The following VPS13B variants were observed in gnomAD, a reference collection of about 807,000 sequenced individuals.
VPS13B encodes vacuolar protein sorting 13 homolog B.
In VPS13B, 285 loss-of-function variants were observed where a neutral mutation model predicts 426.4. The ratio of observed to expected loss-of-function variants is 0.67; its 90% confidence interval spans 0.61 to 0.74. The LOEUF (loss-of-function observed/expected upper bound fraction) is 0.74, where lower values mean the gene tolerates loss of function less well. Ranked by LOEUF, VPS13B falls within the 30% of genes least tolerant of loss-of-function variation. The pLI is 0.00. For synonymous variants in VPS13B, 1,676 were observed against 1,676.4 expected, an observed-to-expected ratio of 1.00 and a Z score of 0.01; for missense variants, 4,537 against 4,782.6, an observed-to-expected ratio of 0.95 and a Z score of 1.51.
At chr8:99,300,636 C>CT (rs1344264198) in intron 19 of VPS13B, among the ~76,000 whole-genome samples, 1 of 152,110 alleles carries the variant, frequency 6.6e-6, no homozygotes, top group African/African-American at 2.4e-5. Flanking sequence ...AGGAGGTTTT[C>CT]TGGGAGATAT....
chr8:99,495,788 T>C (rs1443811090), intron 25 of VPS13B, among the ~76,000 whole-genome samples: 1 of 152,216 alleles, frequency 6.6e-6, no homozygotes, highest in Admixed American at 6.5e-5. Flanking sequence ...ATATTGCTTT[T>C]TTATTGGGTT....
chr8:99,384,478 G>A (rs1047131673), intron 20 of VPS13B, among the ~76,000 whole-genome samples, 161 bp downstream of exon 20: 1 of 151,756 alleles, frequency 6.6e-6, no homozygotes. Context: ...CCTTATTTTT[G>A]TATGAGAAAT....
intron 35 of VPS13B, among the ~76,000 whole-genome samples, chr8:99,688,045 G>T (rs1831491739): frequency 6.6e-6 from 1 of 151,056 alleles, no homozygotes; most frequent in South Asian, 2.1e-4. Context: ...AAGGCCTAGT[G>T]ATATAACAGC....
chr8:99,858,591 A>G (rs968500315), intron 56 of VPS13B, among the ~76,000 whole-genome samples: 1 of 152,166 alleles, frequency 6.6e-6, no homozygotes, highest in Admixed American at 6.5e-5. Flanking sequence ...AGGCTGAGGC[A>G]GAAGAATCGC....
intron 29 of VPS13B, among the ~76,000 whole-genome samples, chr8:99,518,504 G>A (rs1323324664): frequency 6.6e-6 from 1 of 152,082 alleles, no homozygotes; most frequent in Non-Finnish European, 1.5e-5. Flanking sequence ...TGTCTTTACT[G>A]TGACATCCGT....
chr8:99,582,500 C>G (rs1244219487), intron 33 of VPS13B, among the ~76,000 whole-genome samples: 1 of 152,152 alleles, frequency 6.6e-6, no homozygotes, highest in Non-Finnish European at 1.5e-5. Flanking sequence ...CTTCCATCTT[C>G]CCAGTATTCT....
intron 19 of VPS13B, among the ~76,000 whole-genome samples, chr8:99,381,037 C>G (rs1257545304): frequency 6.6e-6 from 1 of 152,040 alleles, no homozygotes; most frequent in African/African-American, 2.4e-5. Flanking sequence ...ATCTGATCCT[C>G]TCCCTTCTCC....
At chr8:99,566,600 G>A (rs531284579) in intron 31 of VPS13B, among the ~76,000 whole-genome samples, 4 of 152,048 alleles carry the variant, frequency 2.6e-5, no homozygotes, top group South Asian at 2.1e-4. Flanking sequence ...GTGCCGCCAC[G>A]CCCAGCTGAT....
intron 16 of VPS13B, among the ~76,000 whole-genome samples, chr8:99,171,102 C>T (rs751107631): frequency 4.3e-4 from 65 of 151,684 alleles, no homozygotes; most frequent in Non-Finnish European, 8.4e-4. Context: ...TTTTAAAAGT[C>T]GTAGTTAAGT....
chr8:99,570,572 A>G (rs1307496573), intron 31 of VPS13B, among the ~76,000 whole-genome samples: 1 of 151,220 alleles, frequency 6.6e-6, no homozygotes, highest in South Asian at 2.1e-4. Context: ...TTTTTTTCTT[A>G]TGTTTTTTTA....
chr8:99,590,265 G>T (rs1826559152), intron 33 of VPS13B, among the ~76,000 whole-genome samples: 1 of 151,810 alleles, frequency 6.6e-6, no homozygotes, highest in African/African-American at 2.4e-5. Flanking sequence ...TATCAATTTT[G>T]TTGATCTTTT....
chr8:99,651,371 C>T (rs1829807368), intron 34 of VPS13B, among the ~76,000 whole-genome samples: 1 of 152,054 alleles, frequency 6.6e-6, no homozygotes, highest in Non-Finnish European at 1.5e-5. Flanking sequence ...AATTTAAAAA[C>T]ATTGTTTAAA....
At chr8:99,702,684 A>T (rs1029545055) in intron 36 of VPS13B, among the ~76,000 whole-genome samples, 1 of 151,764 alleles carries the variant, frequency 6.6e-6, no homozygotes, top group African/African-American at 2.4e-5. Context: ...CACAGTCAAA[A>T]ACACTGTGCA....
chr8:99,356,605 C>T (rs1812195358), intron 19 of VPS13B, among the ~76,000 whole-genome samples: 1 of 152,156 alleles, frequency 6.6e-6, no homozygotes, highest in South Asian at 2.1e-4. Flanking sequence ...TGTATTCGGG[C>T]CACTGCACTG....
At chr8:99,772,634 A>C (rs1405585434) in intron 40 of VPS13B, among the ~76,000 whole-genome samples, 1 of 152,194 alleles carries the variant, frequency 6.6e-6, no homozygotes, top group Non-Finnish European at 1.5e-5. Flanking sequence ...TATATAAGTT[A>C]ATATATTATC....
intron 3 of VPS13B, among the ~76,000 whole-genome samples, chr8:99,054,288 C>G (rs930075073): frequency 2.0e-5 from 3 of 152,208 alleles, no homozygotes; most frequent in Non-Finnish European, 2.9e-5. Context: ...TGTATTCTCA[C>G]CACCAGTGTA....
chr8:99,044,059 C>A (rs1843089103), intron 3 of VPS13B, among the ~76,000 whole-genome samples: 2 of 146,850 alleles, frequency 1.4e-5, no homozygotes, highest in Non-Finnish European at 1.5e-5. Context: ...ATAACCACAT[C>A]ATTTCTTTTT....
At chr8:99,153,785 G>GT (rs548345574) in intron 14 of VPS13B, among the ~76,000 whole-genome samples, 34 of 147,962 alleles carry the variant, frequency 2.3e-4, no homozygotes, top group East Asian at 9.9e-4. Context: ...TTCTGATGCT[G>GT]TTTTTTTTTA....
intron 22 of VPS13B, among the ~76,000 whole-genome samples, 165 bp downstream of exon 22, chr8:99,431,829 A>G (rs1219031541): frequency 3.3e-5 from 5 of 152,184 alleles, no homozygotes; most frequent in African/African-American, 1.2e-4. Context: ...TATCCTAAAC[A>G]TAATTTTATG....
Sources: gnomAD v4.1 joint callset for allele counts (sites outside exome capture counted in the v4.1 genomes callset) on GRCh38, gnomAD v4.1.1 for gene constraint, MANE v1.5 for transcripts, NCBI Gene and HGNC (gene_info 2026-07-23, HGNC 2026-07-21) for gene names.